KCNC2: variants seen among roughly 807,000 people sequenced by gnomAD.
The protein encoded by KCNC2 is voltage-gated potassium channel KCNC2.
A neutral mutation model predicts 44.5 loss-of-function variants in KCNC2; 21 were observed. That is an observed-to-expected ratio of 0.47 (90% confidence interval 0.33 to 0.68). The LOEUF is 0.68. KCNC2 is among the 30% of genes least tolerant of loss of function. The probability of loss-of-function intolerance (pLI) is 0.01; values close to 1 mark genes in which losing one functional copy is unlikely to be tolerated. For missense variants in KCNC2, 589 were observed against 826.2 expected, an observed-to-expected ratio of 0.71 and a Z score of 3.52; for synonymous variants, 391 against 339.1, an observed-to-expected ratio of 1.15 and a Z score of -1.68.
chr12:75,054,901 A>G (rs1881576543), intron 2 of KCNC2, among the ~76,000 whole-genome samples: 1 of 152,174 alleles, frequency 6.6e-6, no homozygotes, highest in Non-Finnish European at 1.5e-5. Flanking sequence ...GGGTTGCATT[A>G]GCAAAGACTT....
At chr12:75,156,772 C>A (rs1005826468) in intron 2 of KCNC2, among the ~76,000 whole-genome samples, 1 of 151,796 alleles carries the variant, frequency 6.6e-6, no homozygotes, top group South Asian at 2.1e-4. Flanking sequence ...TTGCAGCCTA[C>A]CATTTCTATA....
chr12:75,201,975 C>T (rs2031317245), intron 2 of KCNC2, among the ~76,000 whole-genome samples: 1 of 151,792 alleles, frequency 6.6e-6, no homozygotes. Flanking sequence ...ATACATGGCT[C>T]AGAAGTTCAA....
At position 75,104,934 on chromosome 12, in the gene KCNC2, CA is replaced by C. The variant is rs199939100; in HGVS notation, c.688-53618del. On this transcript the variant is annotated intron_variant, in intron 2 of 4. Coordinates refer to ENST00000549446, the MANE Select transcript of KCNC2 (RefSeq NM_139137.4). ...TGGCAATTATATCAGTCCATTTATT[CA>C]ACAAATTTTTTTAGTATCTCCCATG... is the stretch of plus-strand genomic sequence containing the variant. Among the ~76,000 whole-genome samples, 806 of 152,152 alleles carry C rather than the reference CA, an allele frequency of 5.3e-3. 5 individuals are homozygous for C. The highest frequency in any genetic ancestry group is 0.018 in the African/African-American group (761 of 41,508).
Position 75,095,353 on chromosome 12 carries a change from C to T in KCNC2, c.688-44036G>A, listed in dbSNP as rs138156894. Among the ~76,000 whole-genome samples, 19 of 151,838 alleles carry T rather than the reference C, an allele frequency of 1.3e-4. No individual in the cohort carries two copies. The East Asian group carries it at 3.5e-3, about 28-fold the overall frequency. On this transcript the variant is annotated intron_variant, in intron 2 of 4. Transcript: ENST00000549446. ...AATTGTCCCATATTTGGTTTAATCT[C>T]CCACTGTTGCTGTCTTGAAATTCTT...
intron 2 of KCNC2, among the ~76,000 whole-genome samples, chr12:75,089,852 G>T (rs1471751422): frequency 6.6e-6 from 1 of 151,672 alleles, no homozygotes; most frequent in African/African-American, 2.4e-5. Context: ...CATTTCAAGC[G>T]CTCAACAAAC....
chr12:75,186,660 G>T (rs1325267066), intron 2 of KCNC2, among the ~76,000 whole-genome samples: 1 of 151,992 alleles, frequency 6.6e-6, no homozygotes, highest in African/African-American at 2.4e-5. Flanking sequence ...AAACAATTTT[G>T]CCAATTACAA....
At chr12:75,125,735 T>C (rs1322073898) in intron 2 of KCNC2, among the ~76,000 whole-genome samples, 1 of 152,222 alleles carries the variant, frequency 6.6e-6, no homozygotes, top group Non-Finnish European at 1.5e-5. Flanking sequence ...TCATTGCCAA[T>C]TTACGTGCCA....
chr12:75,160,834 G>A (rs921390506), intron 2 of KCNC2, among the ~76,000 whole-genome samples: 3 of 151,700 alleles, frequency 2.0e-5, no homozygotes, highest in Admixed American at 1.3e-4. Flanking sequence ...CATATAATAT[G>A]TATGGTAGTT....
intron 2 of KCNC2, among the ~76,000 whole-genome samples, chr12:75,064,060 C>T (rs1454066091): frequency 1.3e-5 from 2 of 151,966 alleles, no homozygotes; most frequent in Non-Finnish European, 2.9e-5. Context: ...AATGAGAATA[C>T]AATGAAAAGA....
chr12:75,099,217 A>C (rs1886177843), intron 2 of KCNC2, among the ~76,000 whole-genome samples: 1 of 152,210 alleles, frequency 6.6e-6, no homozygotes, highest in Non-Finnish European at 1.5e-5. Context: ...GCAAGGTGCC[A>C]TTTGTTCTCA....
rs529952345 is a variant in KCNC2, at chr12:75,170,278, T to C, written c.687+37019A>G. Among the ~76,000 whole-genome samples the C allele has an allele frequency of 6.6e-5, 10 of 151,816 alleles. No homozygotes were observed. In the South Asian group the frequency reaches 1.5e-3, roughly 22 times the overall value. Reference sequence around the variant, plus strand: ...AAAATGGAGGCTTAAAGGGAGTAAGTGATTTGCTCAGGGCCACAGAAATAG... The same window carrying C: ...AAAATGGAGGCTTAAAGGGAGTAAGCGATTTGCTCAGGGCCACAGAAATAG... On this transcript the variant is annotated intron_variant, in intron 2 of 4. Transcript: ENST00000549446.
Position 75,175,695 on chromosome 12 carries a change from G to C in KCNC2, c.687+31602C>G, listed in dbSNP as rs933927842. On this transcript the variant is annotated intron_variant, in intron 2 of 4. Coordinates refer to ENST00000549446, the MANE Select transcript of KCNC2 (RefSeq NM_139137.4). ...GAGCTGTAATTAATAAGCCTTCTCTGCTGTCCCACAAAACACATGTAGTAA... is the reference window on the plus strand; with the variant it reads ...GAGCTGTAATTAATAAGCCTTCTCTCCTGTCCCACAAAACACATGTAGTAA... Among the ~76,000 whole-genome samples the C allele has an allele frequency of 2.6e-5, 4 of 152,000 alleles. No individual in the cohort carries two copies. The East Asian group carries it at 5.8e-4, about 22-fold the overall frequency.
At chr12:75,151,987 TTA>T (rs1396224324) in intron 2 of KCNC2, among the ~76,000 whole-genome samples, 1 of 146,220 alleles carries the variant, frequency 6.8e-6, no homozygotes, top group African/African-American at 2.5e-5. Flanking sequence ...ATATTATATA[TTA>T]TATATATTAC....
intron 2 of KCNC2, among the ~76,000 whole-genome samples, chr12:75,183,842 C>T (rs1565673205): frequency 1.3e-5 from 2 of 152,154 alleles, no homozygotes; most frequent in South Asian, 4.2e-4. Flanking sequence ...CTCAATGTGG[C>T]TCACCGGGTC....
chr12:75,175,382 A>C (rs954878436), intron 2 of KCNC2, among the ~76,000 whole-genome samples: 1 of 152,028 alleles, frequency 6.6e-6, no homozygotes, highest in African/African-American at 2.4e-5. Context: ...TTCCTATGGG[A>C]GCTCAAGAAA....
intron 2 of KCNC2, among the ~76,000 whole-genome samples, chr12:75,054,847 C>A (rs1299141025): frequency 1.3e-5 from 2 of 152,104 alleles, no homozygotes; most frequent in Non-Finnish European, 2.9e-5. Context: ...GAATGGGTGA[C>A]CCAGTGGCTT....
chr12:75,073,065 C>A (rs1055355806), intron 2 of KCNC2, among the ~76,000 whole-genome samples: 1 of 152,128 alleles, frequency 6.6e-6, no homozygotes, highest in African/African-American at 2.4e-5. Context: ...AACTCATTCC[C>A]AGGCTTCATA....
intron 2 of KCNC2, among the ~76,000 whole-genome samples, chr12:75,172,636 A>C (rs1032512065): frequency 2.0e-5 from 3 of 151,898 alleles, no homozygotes; most frequent in Non-Finnish European, 4.4e-5. Context: ...TCAACTGGGA[A>C]ACCTTTTCAA....
Position 75,140,878 on chromosome 12 carries a change from G to GA in KCNC2, c.687+66418dup, listed in dbSNP as rs200495854. ...AGAACACCATTTAGTATCATGCCAA[G>GA]AAAAAAAAAACAAAAAACAAACTTA... On this transcript the variant is annotated intron_variant, in intron 2 of 4. Coordinates refer to ENST00000549446, the MANE Select transcript of KCNC2 (RefSeq NM_139137.4). Among the ~76,000 whole-genome samples, 474 of 130,184 alleles carry GA rather than the reference G, an allele frequency of 3.6e-3. 2 individuals carry two copies. Among genetic ancestry groups the GA allele is most frequent in the East Asian group, 0.016 (74 of 4,594 alleles). 85.4% of individuals were successfully genotyped at this position (130,184 alleles called of 152,430 possible).
Sources: gnomAD v4.1 joint callset for allele counts (sites outside exome capture counted in the v4.1 genomes callset) on GRCh38, gnomAD v4.1.1 for gene constraint, MANE v1.5 for transcripts, NCBI Gene and HGNC (gene_info 2026-07-23, HGNC 2026-07-21) for gene names.